The following MGAT5 variants were observed in gnomAD, a reference collection of about 807,000 sequenced individuals.
The protein encoded by MGAT5 is alpha-1,6-mannosylglycoprotein 6-beta-N-acetylglucosaminyltransferase A.
In MGAT5, 30 loss-of-function variants were observed where a neutral mutation model predicts 94.3. That is an observed-to-expected ratio of 0.32 (90% CI 0.24 to 0.43). The LOEUF (loss-of-function observed/expected upper bound fraction) is 0.43, where lower values mean the gene tolerates loss of function less well. Among genes scored for constraint, MGAT5 ranks in the 20% least tolerant of loss-of-function variants. The pLI is 1.00. For missense variants in MGAT5, 691 were observed against 905.5 expected (o/e 0.76, Z 3.04); for synonymous variants, 310 against 322.9 (o/e 0.96, Z 0.43).
intron 2 of MGAT5, among the ~76,000 whole-genome samples, chr2:134,281,585 G>A (rs1684698237): frequency 6.6e-6 from 1 of 152,174 alleles, no homozygotes; most frequent in Non-Finnish European, 1.5e-5. Context: ...TAGCAATGAT[G>A]TACAGGAACT....
chr2:134,122,265 C>T (rs200985717), intron 1 of MGAT5, among the ~76,000 whole-genome samples: 1 of 152,048 alleles, frequency 6.6e-6, no homozygotes, highest in African/African-American at 2.4e-5. Flanking sequence ...TCACCACACC[C>T]GGCTAATTTT....
chr2:134,333,135 G>A lies in MGAT5; in HGVS notation c.574-3082G>A, dbSNP rs116060733. 5.9e-3 allele frequency among the ~76,000 whole-genome samples: 894 copies of A among 152,128 alleles called. 4 individuals are homozygous for A. The highest frequency in any genetic ancestry group is 9.2e-3 in the Non-Finnish European group (623 of 67,990). The stretch of plus-strand genomic sequence containing the variant: ...ATGCTGCTATAAAGACACATGACAT[G>A]TATGTTTATAGCGGCACTATTCACA... On this transcript the variant is annotated intron_variant, in intron 4 of 15. Coordinates refer to ENST00000281923, the MANE Select transcript of MGAT5 (RefSeq NM_002410.5).
intron 2 of MGAT5, among the ~76,000 whole-genome samples, chr2:134,271,821 G>GAGGTTCTCTTGTCTAATTAC (rs1684046759): frequency 6.6e-6 from 1 of 152,170 alleles, no homozygotes; most frequent in Admixed American, 6.5e-5. Context: ...AATTAGACAA[G>GAGGTTCTCTTGTCTAATTAC]AGAACCTCCC....
At chr2:134,318,943 A>G (rs546876041) in intron 4 of MGAT5, among the ~76,000 whole-genome samples, 204 of 152,168 alleles carry the variant, frequency 1.3e-3, no homozygotes, top group African/African-American at 3.9e-3. Context: ...TTAGTTAGCT[A>G]TTTCCTTTTT....
intron 6 of MGAT5, among the ~76,000 whole-genome samples, chr2:134,338,638 G>A (rs1463935872): frequency 7.6e-6 from 1 of 132,034 alleles, no homozygotes; most frequent in African/African-American, 2.6e-5. Flanking sequence ...GTGAAGCCAA[G>A]CAGAATATCT....
intron 11 of MGAT5, among the ~76,000 whole-genome samples, chr2:134,408,034 T>C (rs4954143): frequency 0.53 from 81,287 of 152,080 alleles, 22,850 homozygotes; most frequent in Non-Finnish European, 0.62. Context: ...TATTCTCTCT[T>C]TGCATCACAA....
intron 9 of MGAT5, among the ~76,000 whole-genome samples, chr2:134,353,333 C>A (rs1276541591): frequency 6.6e-6 from 1 of 152,170 alleles, no homozygotes; most frequent in Admixed American, 6.5e-5. Context: ...CTTTAAAAGA[C>A]AATCTTTTGA....
intron 1 of MGAT5, among the ~76,000 whole-genome samples, chr2:134,227,825 G>A (rs1489907439): frequency 6.6e-6 from 1 of 152,148 alleles, no homozygotes; most frequent in Non-Finnish European, 1.5e-5. Context: ...GTGGCAGCTG[G>A]TGGTGGTAAT....
At chr2:134,208,324 C>T (rs912400034) in intron 1 of MGAT5, among the ~76,000 whole-genome samples, 6 of 152,160 alleles carry the variant, frequency 3.9e-5, no homozygotes, top group African/African-American at 7.2e-5. Flanking sequence ...ATTTGATGTG[C>T]GTATGCATGT....
chr2:134,281,627 C>T (rs1265919759), intron 2 of MGAT5, among the ~76,000 whole-genome samples: 1 of 152,148 alleles, frequency 6.6e-6, no homozygotes, highest in African/African-American at 2.4e-5. Flanking sequence ...TGTCACAAGG[C>T]AGAAGTTGTA....
chr2:134,189,068 G>A (rs1033815955), intron 1 of MGAT5, among the ~76,000 whole-genome samples: 3 of 152,162 alleles, frequency 2.0e-5, no homozygotes, highest in African/African-American at 7.2e-5. Context: ...TGCCTGGCAC[G>A]TTGATGTGTT....
intron 1 of MGAT5, among the ~76,000 whole-genome samples, chr2:134,135,706 A>G (rs987388086): frequency 2.6e-5 from 4 of 150,962 alleles, no homozygotes; most frequent in African/African-American, 9.7e-5. Flanking sequence ...AAAAAAAAAA[A>G]AAAAAAAAGA....
At chr2:134,246,669 T>C (rs1682284111) in intron 1 of MGAT5, among the ~76,000 whole-genome samples, 1 of 152,260 alleles carries the variant, frequency 6.6e-6, no homozygotes, top group Non-Finnish European at 1.5e-5. Flanking sequence ...TTCTGTTTTG[T>C]GTTCCATACG....
chr2:134,232,974 T>C (rs1681446906), intron 1 of MGAT5, among the ~76,000 whole-genome samples: 1 of 152,222 alleles, frequency 6.6e-6, no homozygotes, highest in African/African-American at 2.4e-5. Flanking sequence ...TGACCTAAGG[T>C]CATAACTTTC....
intron 10 of MGAT5, among the ~76,000 whole-genome samples, chr2:134,366,179 A>T (rs992260151): frequency 6.6e-6 from 1 of 152,188 alleles, no homozygotes; most frequent in African/African-American, 2.4e-5. Flanking sequence ...AACACTAGAG[A>T]TGTACCCAGA....
chr2:134,445,344 G>T (rs1685711822), intron 15 of MGAT5, among the ~76,000 whole-genome samples: 1 of 152,084 alleles, frequency 6.6e-6, no homozygotes, highest in African/African-American at 2.4e-5. Context: ...ACTCAGAGCA[G>T]CCCAGTGGAG....
intron 1 of MGAT5, among the ~76,000 whole-genome samples, chr2:134,241,869 T>G (rs2105448222): frequency 6.6e-6 from 1 of 152,316 alleles, no homozygotes; most frequent in South Asian, 2.1e-4. Flanking sequence ...GTGTATCCCT[T>G]AAGTCATCAT....
At chr2:134,364,736 C>T (rs1680315777) in intron 10 of MGAT5, among the ~76,000 whole-genome samples, 1 of 152,188 alleles carries the variant, frequency 6.6e-6, no homozygotes, top group African/African-American at 2.4e-5. Context: ...TTTATTACAT[C>T]CAGCATTCTG....
At chr2:134,131,377 G>C (rs1686155810) in intron 1 of MGAT5, among the ~76,000 whole-genome samples, 1 of 152,216 alleles carries the variant, frequency 6.6e-6, no homozygotes, top group Non-Finnish European at 1.5e-5. Context: ...CACACAGCCA[G>C]AACTGGCAGA....
Sources: allele counts gnomAD v4.1 joint callset (sites outside exome capture counted in the v4.1 genomes callset), GRCh38; gene constraint gnomAD v4.1.1; transcripts MANE v1.5; gene names NCBI Gene and HGNC (gene_info 2026-07-23, HGNC 2026-07-21).